Variants in RASGRF2 observed in about 807,000 individuals in gnomAD.
RASGRF2 encodes the protein ras-specific guanine nucleotide-releasing factor 2.
Under a neutral mutation model 151.0 loss-of-function variants are expected in RASGRF2, and 76 were observed. The ratio of observed to expected loss-of-function variants is 0.50; its 90% CI spans 0.42 to 0.61. RASGRF2 has a LOEUF of 0.61. Among genes scored for constraint, RASGRF2 ranks in the 20% least tolerant of loss-of-function variants. RASGRF2 has a pLI of 0.00. For missense variants in RASGRF2, 1,148 were observed against 1,564.6 expected, an observed-to-expected ratio of 0.73 and a Z score of 4.49; for synonymous variants, 504 against 566.5, an observed-to-expected ratio of 0.89 and a Z score of 1.57.
At chr5:81,103,574 G>A (rs761331315) in intron 12 of RASGRF2, among the ~76,000 whole-genome samples, 1 of 152,056 alleles carries the variant, frequency 6.6e-6, no homozygotes, top group Non-Finnish European at 1.5e-5. Context: ...AAAAGTGGAT[G>A]AAAGATATGA....
At chr5:81,034,805 G>T (rs1473014348) in intron 1 of RASGRF2, among the ~76,000 whole-genome samples, 5 of 40,568 alleles carry the variant, frequency 1.2e-4, no homozygotes, top group East Asian at 4.0e-4. Context: ...GTTGTGGGGT[G>T]GGAGGGGGGT....
At chr5:81,220,504 A>C (rs1236565517) in intron 26 of RASGRF2, among the ~76,000 whole-genome samples, 1 of 152,178 alleles carries the variant, frequency 6.6e-6, no homozygotes, top group African/African-American at 2.4e-5. Flanking sequence ...TATTATTTTG[A>C]GATGGAGTCT....
At chr5:81,011,261 GT>G (rs1374471877) in intron 1 of RASGRF2, among the ~76,000 whole-genome samples, 7 of 151,492 alleles carry the variant, frequency 4.6e-5, no homozygotes, top group Admixed American at 4.6e-4. Flanking sequence ...ATTTATGTTG[GT>G]ACATGTAGAT....
intron 1 of RASGRF2, among the ~76,000 whole-genome samples, chr5:80,990,232 T>TTA (rs554441786): frequency 9.8e-4 from 148 of 150,792 alleles, no homozygotes; most frequent in East Asian, 4.1e-3. Context: ...TTTTTTTTTT[T>TTA]ATTTTCTTTT....
chr5:81,010,671 T>C (rs1311056455), intron 1 of RASGRF2, among the ~76,000 whole-genome samples: 1 of 152,226 alleles, frequency 6.6e-6, no homozygotes, highest in Non-Finnish European at 1.5e-5. Context: ...GTCTGACAGC[T>C]GTAAGCTTTC....
chr5:81,083,777 A>G (rs907987504), intron 7 of RASGRF2, among the ~76,000 whole-genome samples: 1 of 152,248 alleles, frequency 6.6e-6, no homozygotes, highest in Non-Finnish European at 1.5e-5. Flanking sequence ...GCTCCTGACA[A>G]GAACAGCAGT....
chr5:81,159,366 A>G (rs1228543992), intron 17 of RASGRF2, among the ~76,000 whole-genome samples: 1 of 152,242 alleles, frequency 6.6e-6, no homozygotes, highest in Non-Finnish European at 1.5e-5. Flanking sequence ...ATGAATGCAT[A>G]GCTGTAGCTG....
chr5:81,201,298 T>C (rs1755388598), intron 18 of RASGRF2, 32 bp from the exon 19 acceptor site: 2 of 1,598,240 alleles, frequency 1.3e-6, no homozygotes, highest in African/African-American at 1.4e-5. Context: ...CTTTCAAAGC[T>C]AAAATTTAAA....
At chr5:81,099,857 T>C (rs1054238772) in intron 12 of RASGRF2, among the ~76,000 whole-genome samples, 29 of 152,222 alleles carry the variant, frequency 1.9e-4, no homozygotes, top group Admixed American at 6.5e-4. Flanking sequence ...ATTATGAATA[T>C]GTTCTCCATT....
chr5:81,176,580 T>A (rs1375915011), intron 17 of RASGRF2, among the ~76,000 whole-genome samples: 2 of 152,102 alleles, frequency 1.3e-5, no homozygotes, highest in African/African-American at 4.8e-5. Context: ...TACTGATCAT[T>A]GCACATGTGG....
chr5:81,226,061 G>A lies in RASGRF2; in HGVS notation c.*291G>A. On this transcript the variant is annotated 3_prime_UTR_variant, in exon 27 of 27. Transcript: ENST00000265080. ...TGCTAGTTGCCATTTTAACAAAGCA[G>A]GTAAATCGGTAAATTTTAAACTCTG... 1 of 259,478 alleles carries A rather than the reference G, an allele frequency of 3.9e-6. No individual in the cohort carries two copies. Among genetic ancestry groups the A allele is most frequent in the Non-Finnish European group, 7.2e-6 (1 of 138,108 alleles). 16.1% of individuals were successfully genotyped at this position (259,478 alleles called of 1,614,324 possible). A position where few individuals can be genotyped will look rare whatever the true frequency, so the allele number is the denominator to read the frequency against.
intron 17 of RASGRF2, among the ~76,000 whole-genome samples, chr5:81,151,572 G>A (rs1754136797): frequency 6.6e-6 from 1 of 152,134 alleles, no homozygotes; most frequent in Non-Finnish European, 1.5e-5. Context: ...AGAATGGAAA[G>A]GCAGGAAGGT....
intron 17 of RASGRF2, among the ~76,000 whole-genome samples, chr5:81,143,250 C>T (rs559442552): frequency 2.5e-4 from 38 of 152,010 alleles, no homozygotes; most frequent in Admixed American, 4.6e-4. Flanking sequence ...CTGAGTCAGG[C>T]GATTCTCCTG....
Position 81,108,872 on chromosome 5 carries a change from G to A in RASGRF2, c.1756-124G>A. 4 of 1,200,292 alleles carry A rather than the reference G, an allele frequency of 3.3e-6. No homozygotes were observed. In the South Asian group the frequency reaches 6.6e-5, roughly 20 times the overall value. 74.4% of individuals were successfully genotyped at this position (1,200,292 alleles called of 1,614,324 possible). ...TGTGTGTGTGTGTGTGTGTGTGTGT[G>A]TGTGTGTGTAAGAGACAGGGAGAGA... On this transcript the variant is annotated intron_variant, in intron 12 of 26. Coordinates refer to ENST00000265080, the MANE Select transcript of RASGRF2 (RefSeq NM_006909.3).
At chr5:80,979,544 G>A (rs572140544) in intron 1 of RASGRF2, among the ~76,000 whole-genome samples, 3 of 152,184 alleles carry the variant, frequency 2.0e-5, no homozygotes, top group South Asian at 2.1e-4. Flanking sequence ...TATTGTGTAC[G>A]TATGATTGAT....
chr5:81,025,964 CT>C (rs1193505313), intron 1 of RASGRF2, among the ~76,000 whole-genome samples: 1 of 150,932 alleles, frequency 6.6e-6, no homozygotes, highest in Non-Finnish European at 1.5e-5. Context: ...CCCTTTCGCC[CT>C]CCTTCCTTCC....
At chr5:81,156,726 G>T (rs1754267748) in intron 17 of RASGRF2, among the ~76,000 whole-genome samples, 1 of 152,272 alleles carries the variant, frequency 6.6e-6, no homozygotes, top group African/African-American at 2.4e-5. Flanking sequence ...ATACATAGTG[G>T]TGAAAGACTG....
At chr5:81,185,714 T>C (rs1755012120) in intron 18 of RASGRF2, among the ~76,000 whole-genome samples, 1 of 152,160 alleles carries the variant, frequency 6.6e-6, no homozygotes, top group South Asian at 2.1e-4. Flanking sequence ...TCAGAAGCAA[T>C]AGCCAGCTAG....
chr5:80,963,944 T>G (rs1324388553), intron 1 of RASGRF2, among the ~76,000 whole-genome samples: 3 of 152,150 alleles, frequency 2.0e-5, no homozygotes, highest in South Asian at 2.1e-4. Context: ...CCCATTGGTT[T>G]GCTTCCTGTA....
Sources: allele counts gnomAD v4.1 joint callset (sites outside exome capture counted in the v4.1 genomes callset), GRCh38; gene constraint gnomAD v4.1.1; transcripts MANE v1.5; gene names NCBI Gene and HGNC (gene_info 2026-07-23, HGNC 2026-07-21).